The following ARHGEF11 variants were observed in gnomAD, a reference collection of about 807,000 sequenced individuals.
The protein encoded by ARHGEF11 is Rho guanine nucleotide exchange factor 11.
A neutral mutation model predicts 193.7 loss-of-function variants in ARHGEF11; 55 were observed. That is an observed-to-expected ratio of 0.28 (90% CI 0.23 to 0.36). The LOEUF (loss-of-function observed/expected upper bound fraction) is 0.36. Among genes scored for constraint, ARHGEF11 ranks in the 10% least tolerant of loss-of-function variants. The pLI, the probability that ARHGEF11 is intolerant of heterozygous loss-of-function variation, is 1.00. For synonymous variants in ARHGEF11, 693 were observed against 768.0 expected, an observed-to-expected ratio of 0.90 and a Z score of 1.62; for missense variants, 1,723 against 2,005.6, an observed-to-expected ratio of 0.86 and a Z score of 2.69.
Position 156,986,125 on chromosome 1 carries a change from G to A in ARHGEF11, c.81C>T (p.Ser27=). Residue 27 remains serine, a synonymous_variant, in exon 2 of 41, where the codon TCC becomes TCT. Coordinates refer to ENST00000368194, the MANE Select transcript of ARHGEF11 (RefSeq NM_198236.3). ...CCGAAGGCTGGCGATGGTGGGAAGG[G>A]GACTTGCGCTCTGGTGCAGAATCTC... ...SLGDSAPERK[S]PSHHRQPSDA... is the part of the protein sequence containing the mutation. The A allele has an allele frequency of 6.2e-7, 1 of 1,613,984 alleles. No homozygotes were observed. The highest frequency in any genetic ancestry group is 8.5e-7 in the Non-Finnish European group (1 of 1,179,936).
At chr1:156,958,949 A>AT in intron 16 of ARHGEF11, 85 bp from the exon 17 acceptor site, 2 of 1,608,450 alleles carry the variant, frequency 1.2e-6, no homozygotes, top group Non-Finnish European at 1.7e-6. Flanking sequence ...ACAAACACAT[A>AT]TAACAAGAGA....
intron 35 of ARHGEF11, 120 bp from the exon 36 acceptor site, chr1:156,940,545 T>C: frequency 5.6e-6 from 5 of 886,714 alleles, no homozygotes; most frequent in South Asian, 2.1e-5. Flanking sequence ...AGTTGTTTAC[T>C]GAGAACTTCC....
chr1:156,958,642 C>CAAG (rs1660311583), intron 17 of ARHGEF11, 100 bp downstream of exon 17: 5 of 1,535,684 alleles, frequency 3.3e-6, no homozygotes, highest in Non-Finnish European at 4.4e-6. Flanking sequence ...GAGAATCAGG[C>CAAG]AAGAAGTGGA....
At chr1:157,043,293 C>T (rs1307166211) in intron 1 of ARHGEF11, among the ~76,000 whole-genome samples, 1 of 152,172 alleles carries the variant, frequency 6.6e-6, no homozygotes, top group Non-Finnish European at 1.5e-5. Flanking sequence ...CCTTCAACCA[C>T]CCATCTATCC....
chr1:157,045,900 T>G (rs1673274366), upstream of ARHGEF11, among the ~76,000 whole-genome samples: 1 of 150,618 alleles, frequency 6.6e-6, no homozygotes, highest in East Asian at 1.9e-4. Flanking sequence ...CGCAGGCTCC[T>G]CCTCCTCGCT....
chr1:156,952,711 C>G (rs1557848415), intron 21 of ARHGEF11, among the ~76,000 whole-genome samples: 1 of 152,270 alleles, frequency 6.6e-6, no homozygotes, highest in Non-Finnish European at 1.5e-5. Context: ...TCACAGTTTA[C>G]AACTTGACAG....
In ARHGEF11 at chr1:157,029,660, T is replaced by C. The variant is rs181928236; in HGVS notation, c.32+14639A>G. Among the ~76,000 whole-genome samples, 434 of 152,200 alleles carry C rather than the reference T, an allele frequency of 2.9e-3. 2 individuals carry two copies. Among genetic ancestry groups the C allele is most frequent in the Non-Finnish European group, 3.8e-3 (258 of 68,010 alleles). ...CTCCTAGGTATACACCCAAGAGAAA[T>C]GAACACATATGTCCACACAAAAACC... On this transcript the variant is annotated intron_variant, in intron 1 of 40. Transcript: ENST00000368194.
At chr1:156,981,112 T>C (rs1008481965) in intron 3 of ARHGEF11, among the ~76,000 whole-genome samples, 28 of 152,156 alleles carry the variant, frequency 1.8e-4, no homozygotes, top group African/African-American at 6.5e-4. Flanking sequence ...CACTACAGAC[T>C]GGATCTTCTG....
intron 1 of ARHGEF11, among the ~76,000 whole-genome samples, chr1:157,025,482 G>C (rs575264246): frequency 3.9e-5 from 6 of 152,294 alleles, no homozygotes; most frequent in African/African-American, 1.4e-4. Flanking sequence ...CTGCCAGCTA[G>C]TTACCTCATT....
intron 1 of ARHGEF11, among the ~76,000 whole-genome samples, chr1:156,986,502 G>T (rs1043575724): frequency 9.9e-5 from 15 of 152,192 alleles, no homozygotes; most frequent in African/African-American, 3.4e-4. Context: ...GTCTTACCAG[G>T]CTGCAATGGG....
At chr1:157,015,759 A>C (rs1418590575) in intron 1 of ARHGEF11, among the ~76,000 whole-genome samples, 1 of 152,218 alleles carries the variant, frequency 6.6e-6, no homozygotes, top group Non-Finnish European at 1.5e-5. Context: ...AAGCACTGGG[A>C]TGGAAGGTCA....
At chr1:156,947,730 C>A (rs750124410) in intron 25 of ARHGEF11, 39 bp downstream of exon 25, 1 of 1,604,966 alleles carries the variant, frequency 6.2e-7, no homozygotes, top group Admixed American at 1.7e-5. Flanking sequence ...TATTCCCACA[C>A]GTGTGAGCGG....
chr1:156,952,418 C>T (rs914342233), intron 21 of ARHGEF11, among the ~76,000 whole-genome samples: 6 of 152,162 alleles, frequency 3.9e-5, no homozygotes, highest in Non-Finnish European at 8.8e-5. Context: ...TGGCTCTCAG[C>T]AGGAGGGAAG....
At chr1:156,964,942 A>G (rs1661490466) in intron 11 of ARHGEF11, among the ~76,000 whole-genome samples, 1 of 152,198 alleles carries the variant, frequency 6.6e-6, no homozygotes, top group African/African-American at 2.4e-5. Context: ...TTAGAAATAC[A>G]TATTCTTTCT....
chr1:156,936,095 C>G lies in ARHGEF11; in HGVS notation c.4631-37G>C, dbSNP rs747201109. The G allele has an allele frequency of 1.9e-6, 3 of 1,598,646 alleles. No individual in the cohort carries two copies. In the South Asian group the frequency reaches 3.3e-5, roughly 18 times the overall value. ...GGATGAAGGTGAGGAACTGGCCAGC[C>G]TGAGGTGACCGCTTCCACATGTTTT... On this transcript the variant is annotated intron_variant, in intron 40 of 40. Coordinates refer to ENST00000368194, the MANE Select transcript of ARHGEF11 (RefSeq NM_198236.3).
At position 156,935,425 on chromosome 1, in the gene ARHGEF11, AC is replaced by A. The variant is rs1302734342; in HGVS notation, c.*574del. 1 of 151,996 alleles carries A rather than the reference AC, an allele frequency of 6.6e-6. No homozygotes were observed. The highest frequency in any genetic ancestry group is 2.4e-5 in the African/African-American group (1 of 41,362). 9.4% of individuals were successfully genotyped at this position (151,996 alleles called of 1,614,324 possible). ...TGTTAACTAAGGAGATACAAGTGAA[AC>A]CCCTCTTCCCTAAGCAGCTCCTTCC... On this transcript the variant is annotated 3_prime_UTR_variant, in exon 41 of 41. Transcript: ENST00000368194.
At chr1:156,943,553 A>G (rs1657519018) in intron 32 of ARHGEF11, among the ~76,000 whole-genome samples, 2 of 152,280 alleles carry the variant, frequency 1.3e-5, no homozygotes, top group African/African-American at 2.4e-5. Context: ...CGTGGGTACT[A>G]ACATCTTCTG....
intron 1 of ARHGEF11, among the ~76,000 whole-genome samples, chr1:157,015,962 A>G (rs1279367903): frequency 6.6e-6 from 1 of 152,212 alleles, no homozygotes; most frequent in Admixed American, 6.5e-5. Context: ...GGGGATTGGA[A>G]GAGTGATGTG....
At chr1:157,025,284 C>T (rs1571556187) in intron 1 of ARHGEF11, among the ~76,000 whole-genome samples, 2 of 152,332 alleles carry the variant, frequency 1.3e-5, no homozygotes, top group African/African-American at 2.4e-5. Context: ...GCCTTTCCAA[C>T]AGGCCTGAGG....
Sources: allele counts gnomAD v4.1 joint callset (sites outside exome capture counted in the v4.1 genomes callset), GRCh38; gene constraint gnomAD v4.1.1; transcripts MANE v1.5; gene names NCBI Gene and HGNC (gene_info 2026-07-23, HGNC 2026-07-21).